PDZRN4: variants seen among roughly 807,000 people sequenced by gnomAD.
The protein encoded by PDZRN4 is PDZ domain-containing RING finger protein 4.
In PDZRN4, 70 loss-of-function variants were observed where a neutral mutation model predicts 99.0. The ratio of observed to expected loss-of-function variants is 0.71; its 90% confidence interval spans 0.58 to 0.86. The LOEUF (loss-of-function observed/expected upper bound fraction) is 0.86, where lower values mean the gene tolerates loss of function less well. PDZRN4 is among the 40% of genes least tolerant of loss of function. The probability of loss-of-function intolerance (pLI) is 0.00; values close to 1 mark genes in which losing one functional copy is unlikely to be tolerated. For synonymous variants in PDZRN4, 551 were observed against 501.6 expected (o/e 1.10, Z -1.32); for missense variants, 1,474 against 1,331.2 (o/e 1.11, Z -1.67).
At chr12:41,300,146 A>T (rs1951524691) in intron 3 of PDZRN4, among the ~76,000 whole-genome samples, 1 of 151,936 alleles carries the variant, frequency 6.6e-6, no homozygotes, top group Non-Finnish European at 1.5e-5. Context: ...AAAACGGAAA[A>T]TACTATGTAA....
At position 41,482,346 on chromosome 12, in the gene PDZRN4, A is replaced by G. The variant is rs925803669; in HGVS notation, c.844-24110A>G. ...GGATTGTATATGCTTGTAGCTATCA[A>G]GGAAGTTGGAAAAGAAAAATCTGAA... On this transcript the variant is annotated intron_variant, in intron 3 of 9. Coordinates refer to ENST00000402685, the MANE Select transcript of PDZRN4 (RefSeq NM_001164595.2). Among the ~76,000 whole-genome samples the G allele has an allele frequency of 3.3e-5, 5 of 152,336 alleles. No individual in the cohort carries two copies. In the South Asian group the frequency reaches 6.2e-4, roughly 19 times the overall value.
At chr12:41,414,328 C>T (rs1218256204) in intron 3 of PDZRN4, among the ~76,000 whole-genome samples, 1 of 152,072 alleles carries the variant, frequency 6.6e-6, no homozygotes, top group Non-Finnish European at 1.5e-5. Flanking sequence ...AATGTGTTCT[C>T]TGGATTTCTT....
intron 7 of PDZRN4, among the ~76,000 whole-genome samples, chr12:41,559,562 T>A (rs1939230843): frequency 6.6e-6 from 1 of 152,168 alleles, no homozygotes; most frequent in South Asian, 2.1e-4. Flanking sequence ...TAATATTCCA[T>A]GTAAGCCTCC....
At chr12:41,295,084 G>C (rs1307987290) in intron 3 of PDZRN4, among the ~76,000 whole-genome samples, 2 of 152,062 alleles carry the variant, frequency 1.3e-5, no homozygotes, top group Non-Finnish European at 2.9e-5. Flanking sequence ...ATTTTGAGAG[G>C]TAATGTTTCA....
intron 3 of PDZRN4, among the ~76,000 whole-genome samples, chr12:41,340,210 T>G (rs570312109): frequency 6.6e-6 from 1 of 152,042 alleles, no homozygotes; most frequent in South Asian, 2.1e-4. Context: ...ATAAAGAAAA[T>G]GCAGTACATG....
At chr12:41,480,973 G>GT (rs36114607) in intron 3 of PDZRN4, among the ~76,000 whole-genome samples, 17,054 of 146,712 alleles carry the variant, frequency 0.12, 1,097 homozygotes, top group South Asian at 0.23. Flanking sequence ...AAATTACAGG[G>GT]TTTTTTTTTT....
intron 3 of PDZRN4, among the ~76,000 whole-genome samples, chr12:41,410,321 A>G (rs1436215521): frequency 6.6e-6 from 1 of 152,216 alleles, no homozygotes; most frequent in African/African-American, 2.4e-5. Flanking sequence ...ATATGCTGGG[A>G]AATACACATA....
intron 8 of PDZRN4, among the ~76,000 whole-genome samples, chr12:41,565,332 G>C (rs1431093328): frequency 1.3e-5 from 2 of 150,096 alleles, no homozygotes; most frequent in Non-Finnish European, 3.0e-5. Flanking sequence ...GAAGCTAATT[G>C]CCTATAGAAA....
intron 3 of PDZRN4, among the ~76,000 whole-genome samples, chr12:41,443,083 C>G (rs981012): frequency 6.6e-6 from 1 of 151,922 alleles, no homozygotes; most frequent in Admixed American, 6.6e-5. Flanking sequence ...AACTCTGTGT[C>G]AGCTCTGATT....
intron 3 of PDZRN4, among the ~76,000 whole-genome samples, chr12:41,390,562 CAA>C (rs766893966): frequency 0.021 from 2,083 of 101,272 alleles, 82 homozygotes; most frequent in African/African-American, 0.069. Flanking sequence ...AACTCCTAAG[CAA>C]AAAAAAAAAA....
Position 41,197,919 on chromosome 12 carries a change from G to GTT in PDZRN4, c.843+3731_843+3732insTT, listed in dbSNP as rs764851464. On this transcript the variant is annotated intron_variant, in intron 3 of 9. Transcript: ENST00000402685. Reference sequence around the variant, plus strand: ...CTTCTTCTTTTCCTTGTTTTTTCTGGGTTTTTTTTTTTGGAGACAGGATCT... The same window carrying GTT: ...CTTCTTCTTTTCCTTGTTTTTTCTGGTTGTTTTTTTTTTTGGAGACAGGATCT... Among the ~76,000 whole-genome samples the GTT allele has an allele frequency of 8.2e-4, 93 of 113,426 alleles. 4 individuals carry two copies. Among genetic ancestry groups the GTT allele is most frequent in the Non-Finnish European group, 1.3e-3 (74 of 56,604 alleles). The allele number at this position is 113,426 out of a possible 152,430, so 74.4% of individuals were successfully genotyped here. A position where few individuals can be genotyped will look rare whatever the true frequency, so the allele number is the denominator to read the frequency against.
At position 41,327,717 on chromosome 12, in the gene PDZRN4, T is replaced by G. The variant is rs183278030; in HGVS notation, c.843+133529T>G. 3.3e-3 allele frequency among the ~76,000 whole-genome samples: 500 copies of G among 152,298 alleles called. 2 individuals carry two copies. Among genetic ancestry groups the G allele is most frequent in the African/African-American group, 0.011 (445 of 41,576 alleles). ...TCACCAGTCACTACAACCTCTCCAG[T>G]GGTTCCTCTTTAAAAATGAACTCAC... On this transcript the variant is annotated intron_variant, in intron 3 of 9. Coordinates refer to ENST00000402685, the MANE Select transcript of PDZRN4 (RefSeq NM_001164595.2).
chr12:41,409,481 A>C (rs1310893885), intron 3 of PDZRN4: 1 of 152,192 alleles, frequency 6.6e-6, no homozygotes, highest in Non-Finnish European at 1.5e-5. Flanking sequence ...TCTTAGATGC[A>C]TTTATTCCTT....
At chr12:41,373,699 A>T (rs1952060052) in intron 3 of PDZRN4, among the ~76,000 whole-genome samples, 1 of 152,114 alleles carries the variant, frequency 6.6e-6, no homozygotes. Flanking sequence ...CAGGGTCCTG[A>T]GGTGACATAC....
At chr12:41,403,167 G>A (rs578244856) in intron 3 of PDZRN4, among the ~76,000 whole-genome samples, 1 of 152,234 alleles carries the variant, frequency 6.6e-6, no homozygotes, top group East Asian at 1.9e-4. Flanking sequence ...GCGATGTGAT[G>A]AGAACTTGTG....
intron 3 of PDZRN4, among the ~76,000 whole-genome samples, chr12:41,248,543 A>C (rs1951147977): frequency 6.6e-6 from 1 of 152,216 alleles, no homozygotes; most frequent in Non-Finnish European, 1.5e-5. Flanking sequence ...CCTACTCAGG[A>C]AAGCCAGTGT....
chr12:41,308,639 G>A (rs984168445), intron 3 of PDZRN4, among the ~76,000 whole-genome samples: 1 of 152,134 alleles, frequency 6.6e-6, no homozygotes. Flanking sequence ...GAGAGGTTTA[G>A]ACAATGGCAA....
In PDZRN4 at chr12:41,572,564, G is replaced by T. The variant is rs191399732; in HGVS notation, c.1785G>T (p.Leu595=). 1 of 1,614,096 alleles carries T rather than the reference G, an allele frequency of 6.2e-7. No homozygotes were observed. The highest frequency in any genetic ancestry group is 1.7e-5 in the Admixed American group (1 of 60,028). The change falls in exon 10 of 10, where the codon CTG becomes CTT. Residue 595 remains leucine (L), a synonymous_variant. Transcript: ENST00000402685. ...KRDLGQSQDT[L]GSVELQYNES... ...ACCTGGGGCAGAGCCAAGACACTCT[G>T]GGAAGTGTTGAACTTCAGTACAATG... is the stretch of plus-strand genomic sequence containing the variant.
chr12:41,574,067 C>T lies in PDZRN4; in HGVS notation c.*177C>T. Reference sequence around the variant, plus strand: ...TCATTTGTTTTTCATATACTGGTACCTTCTTTTTGGCTGAGATCTTTCTTT... The same window carrying T: ...TCATTTGTTTTTCATATACTGGTACTTTCTTTTTGGCTGAGATCTTTCTTT... On this transcript the variant is annotated 3_prime_UTR_variant, in exon 10 of 10. Coordinates refer to ENST00000402685, the MANE Select transcript of PDZRN4 (RefSeq NM_001164595.2). 7.2e-6 allele frequency: 3 copies of T among 416,672 alleles called. No individual in the cohort carries two copies. Among genetic ancestry groups the T allele is most frequent in the Non-Finnish European group, 1.3e-5 (3 of 236,144 alleles). 25.8% of individuals were successfully genotyped at this position (416,672 alleles called of 1,614,324 possible).
Sources: allele counts gnomAD v4.1 joint callset (sites outside exome capture counted in the v4.1 genomes callset), GRCh38; gene constraint gnomAD v4.1.1; transcripts MANE v1.5; gene names NCBI Gene and HGNC (gene_info 2026-07-23, HGNC 2026-07-21).